AXIN1: variants seen among roughly 807,000 people sequenced by gnomAD.
AXIN1 encodes axin-1.
In AXIN1, 30 loss-of-function variants were observed where a neutral mutation model predicts 76.4. The ratio of observed to expected loss-of-function variants is 0.39; its 90% CI spans 0.29 to 0.53. The LOEUF is 0.53. AXIN1 is among the 20% of genes least tolerant of loss of function. The pLI is 0.66. For missense variants in AXIN1, 1,140 were observed against 1,198.8 expected (o/e 0.95, Z 0.72); for synonymous variants, 545 against 501.4 (o/e 1.09, Z -1.16).
Position 297,111 on chromosome 16 carries a change from G to T in AXIN1, c.1900C>A (p.Gln634Lys). 1 of 1,612,826 alleles carries T rather than the reference G, an allele frequency of 6.2e-7. No homozygotes were observed. The highest frequency in any genetic ancestry group is 1.1e-5 in the South Asian group (1 of 91,092). ...EDAEKNQKIMQWIIEGEKEIS... is the reference protein window; with the variant it reads ...EDAEKNQKIMKWIIEGEKEIS... Reference sequence around the variant, plus strand: ...TCCTTTTCCCCCTCAATGATCCACTGCATGATTTTCTGGTTCTTCTCCGCA... The same window carrying T: ...TCCTTTTCCCCCTCAATGATCCACTTCATGATTTTCTGGTTCTTCTCCGCA... The change falls in exon 7 of 11, where the codon CAG becomes AAG. Residue 634 changes from glutamine (Q) to lysine (K), a missense_variant. By Grantham distance (53) the Gln-to-Lys change is moderately conservative (BLOSUM62 1). This residue lies in a region of AXIN1 where 429 missense variants were observed against 405.8 expected (regional missense o/e 1.06). Transcript: ENST00000262320.
rs562644129 is a variant in AXIN1 at position 289,680 on chromosome 16, G to A, written c.2295-73C>T. 2.7e-5 allele frequency: 43 copies of A among 1,584,864 alleles called. No individual in the cohort carries two copies. In the South Asian group the frequency reaches 4.3e-4, roughly 16 times the overall value. On this transcript the variant is annotated intron_variant, in intron 9 of 10. Transcript: ENST00000262320. The stretch of plus-strand genomic sequence containing the variant: ...CACAGGGTCCCTCCTGCTGGCCTCA[G>A]GCTGCCAGTGTAAGGCGGGGCAGGC...
At chr16:339,777 C>T (rs1383355233) in intron 2 of AXIN1, among the ~76,000 whole-genome samples, 1 of 152,192 alleles carries the variant, frequency 6.6e-6, no homozygotes, top group Non-Finnish European at 1.5e-5. Context: ...GGGGAGCCCA[C>T]GCAAGGGGCA....
intron 2 of AXIN1, among the ~76,000 whole-genome samples, chr16:333,520 GC>G (rs1236651489): frequency 2.0e-5 from 3 of 150,720 alleles, no homozygotes; most frequent in Non-Finnish European, 4.4e-5. Context: ...AAAGAAAAAA[GC>G]CCCCAGCAAA....
chr16:296,987 CTG>C, intron 7 of AXIN1, 67 bp downstream of exon 7: 2 of 1,546,302 alleles, frequency 1.3e-6, no homozygotes, highest in South Asian at 1.1e-5. Flanking sequence ...GCTGCACACA[CTG>C]AGACTGTGCG....
At chr16:296,878 CGTG>C (rs2052724591) in intron 7 of AXIN1, among the ~76,000 whole-genome samples, 175 bp downstream of exon 7, 1 of 152,026 alleles carries the variant, frequency 6.6e-6, no homozygotes, top group South Asian at 2.1e-4. Context: ...CTCCTGGAGA[CGTG>C]GGGCCCAGGG....
chr16:324,479 A>G (rs961469392), intron 2 of AXIN1, among the ~76,000 whole-genome samples: 1 of 152,210 alleles, frequency 6.6e-6, no homozygotes, highest in Non-Finnish European at 1.5e-5. Flanking sequence ...CAAGGGCACC[A>G]TGAGCAGCTT....
chr16:289,650 G>C (rs1596964495), intron 9 of AXIN1, 43 bp from the exon 10 acceptor site: 1 of 1,607,164 alleles, frequency 6.2e-7, no homozygotes, highest in Non-Finnish European at 8.5e-7. Context: ...TTTGGACTGA[G>C]GTCCCACAGG....
At chr16:350,904 G>A (rs2054128938) in intron 1 of AXIN1, among the ~76,000 whole-genome samples, 1 of 152,082 alleles carries the variant, frequency 6.6e-6, no homozygotes, top group Admixed American at 6.6e-5. Context: ...GGCCGAGGTG[G>A]GCGGATCACC....
At position 304,437 on chromosome 16, in the gene AXIN1, G is replaced by A. The variant is rs538987269; in HGVS notation, c.1121C>T (p.Thr374Met). The A allele has an allele frequency of 1.9e-5, 31 of 1,612,582 alleles. No homozygotes were observed. The highest frequency in any genetic ancestry group is 1.6e-4 in the South Asian group (15 of 91,090). ...GCGGACCTCCTTCGGCACCCGGTAC[G>A]TGCGCTGCGAGGGACAGGACTGTGA... ...GRVPLPHIPR[T>M]YRVPKEVRVE... Residue 374 changes from threonine to methionine, a missense_variant, in exon 5 of 11, where the codon ACG (threonine) becomes ATG (methionine). By Grantham distance (81) the Thr-to-Met change is moderately conservative (BLOSUM62 -1). Around this residue, in one of 3 missense-constraint regions of AXIN1, gnomAD observed 708 missense variants for 776.9 expected, o/e 0.91. Transcript: ENST00000262320.
intron 2 of AXIN1, among the ~76,000 whole-genome samples, chr16:343,137 C>T (rs564538993): frequency 3.3e-5 from 5 of 152,324 alleles, no homozygotes; most frequent in Admixed American, 1.3e-4. Flanking sequence ...CCTCTGCCAC[C>T]AGCAGCCCCA....
chr16:307,414 C>T (rs773548759), intron 4 of AXIN1, among the ~76,000 whole-genome samples: 57 of 152,216 alleles, frequency 3.7e-4, no homozygotes, highest in Non-Finnish European at 2.8e-4. Flanking sequence ...TAAATGAAAA[C>T]GTGAAACTTC....
At chr16:344,659 T>C (rs114291793) in intron 2 of AXIN1, among the ~76,000 whole-genome samples, 4,859 of 151,922 alleles carry the variant, frequency 0.032, 233 homozygotes, top group African/African-American at 0.11. Flanking sequence ...TATCTAATTT[T>C]TGTATTTTTA....
chr16:319,282 T>C (rs1227430608), intron 2 of AXIN1, among the ~76,000 whole-genome samples: 1 of 151,964 alleles, frequency 6.6e-6, no homozygotes, highest in Non-Finnish European at 1.5e-5. Context: ...CAGTAAGATA[T>C]GATCACGCCA....
At chr16:340,618 G>A (rs1217829685) in intron 2 of AXIN1, among the ~76,000 whole-genome samples, 1 of 152,234 alleles carries the variant, frequency 6.6e-6, no homozygotes, top group Non-Finnish European at 1.5e-5. Flanking sequence ...CTGAAATGAC[G>A]AGGTGAACCA....
At chr16:326,419 C>A (rs2053586064) in intron 2 of AXIN1, among the ~76,000 whole-genome samples, 1 of 140,490 alleles carries the variant, frequency 7.1e-6, no homozygotes. Context: ...AAATAACCTA[C>A]CTTTGCACCC....
intron 2 of AXIN1, among the ~76,000 whole-genome samples, chr16:341,476 C>G (rs969255966): frequency 6.6e-6 from 1 of 152,274 alleles, no homozygotes; most frequent in African/African-American, 2.4e-5. Context: ...CTCAATTTCT[C>G]GCTGGGTCTT....
intron 2 of AXIN1, among the ~76,000 whole-genome samples, chr16:322,554 C>A (rs2053482065): frequency 6.6e-6 from 1 of 152,190 alleles, no homozygotes; most frequent in Admixed American, 6.5e-5. Flanking sequence ...GGCTGCACAT[C>A]CTCCTCTCCA....
At chr16:334,279 AC>A (rs2053756634) in intron 2 of AXIN1, among the ~76,000 whole-genome samples, 1 of 149,672 alleles carries the variant, frequency 6.7e-6, no homozygotes, top group African/African-American at 2.5e-5. Context: ...ATAACACAGC[AC>A]CCAGTACCAC....
chr16:324,211 G>A (rs1597074624), intron 2 of AXIN1, among the ~76,000 whole-genome samples: 1 of 152,212 alleles, frequency 6.6e-6, no homozygotes, highest in African/African-American at 2.4e-5. Context: ...CGGGTCTTCC[G>A]GGCCACATTA....
Sources: allele counts gnomAD v4.1 joint callset (sites outside exome capture counted in the v4.1 genomes callset), GRCh38; gene constraint gnomAD v4.1.1; regional missense constraint gnomAD v4.1.1; transcripts MANE v1.5; gene names NCBI Gene and HGNC (gene_info 2026-07-23, HGNC 2026-07-21).